FAM13A: variants seen among roughly 807,000 people sequenced by gnomAD.
FAM13A encodes protein FAM13A.
FAM13A carries 76 observed loss-of-function variants against 129.6 expected under a neutral mutation model. That is an observed-to-expected ratio of 0.59 (90% CI 0.49 to 0.71). The LOEUF (loss-of-function observed/expected upper bound fraction) is 0.71, where lower values mean the gene tolerates loss of function less well. Ranked by LOEUF, FAM13A falls within the 30% of genes least tolerant of loss-of-function variation. FAM13A has a pLI of 0.00. For missense variants in FAM13A, 1,108 were observed against 1,249.3 expected, an observed-to-expected ratio of 0.89 and a Z score of 1.70; for synonymous variants, 443 against 449.9, an observed-to-expected ratio of 0.98 and a Z score of 0.20.
At chr4:88,909,350 T>C (rs1035021485) in intron 5 of FAM13A, among the ~76,000 whole-genome samples, 6 of 152,184 alleles carry the variant, frequency 3.9e-5, no homozygotes, top group Non-Finnish European at 2.9e-5. Flanking sequence ...CAAAAGGATA[T>C]ATATTGTGTG....
chr4:88,789,895 G>A (rs1724780487), intron 9 of FAM13A, among the ~76,000 whole-genome samples: 1 of 152,100 alleles, frequency 6.6e-6, no homozygotes. Flanking sequence ...GCCCTCCGTG[G>A]GAACAGTAGG....
intron 5 of FAM13A, among the ~76,000 whole-genome samples, chr4:88,910,607 C>T (rs767692506): frequency 1.4e-4 from 21 of 151,976 alleles, no homozygotes; most frequent in African/African-American, 2.7e-4. Context: ...TTTATGTTTC[C>T]CCATAGCCCT....
intron 7 of FAM13A, among the ~76,000 whole-genome samples, chr4:88,847,170 T>C (rs192747152): frequency 1.1e-3 from 163 of 152,298 alleles, no homozygotes; most frequent in African/African-American, 3.7e-3. Context: ...AGGTTAAACA[T>C]GGATAATGTT....
chr4:88,787,115 G>C (rs961107075), intron 10 of FAM13A, among the ~76,000 whole-genome samples: 8 of 151,836 alleles, frequency 5.3e-5, no homozygotes, highest in Non-Finnish European at 8.8e-5. Flanking sequence ...TAATATAAAT[G>C]GTAATTGTTC....
At chr4:88,875,442 C>A (rs1250286192) in intron 6 of FAM13A, among the ~76,000 whole-genome samples, 1 of 152,130 alleles carries the variant, frequency 6.6e-6, no homozygotes, top group Non-Finnish European at 1.5e-5. Flanking sequence ...AACAAATTTA[C>A]AAGAATAAAT....
At chr4:88,995,501 G>A (rs189267999) in intron 3 of FAM13A, among the ~76,000 whole-genome samples, 7 of 152,252 alleles carry the variant, frequency 4.6e-5, no homozygotes, top group African/African-American at 1.7e-4. Context: ...CTCCCGTTCT[G>A]GATGCTTCCT....
At chr4:88,876,386 T>C (rs1181907254) in intron 6 of FAM13A, among the ~76,000 whole-genome samples, 1 of 151,856 alleles carries the variant, frequency 6.6e-6, no homozygotes, top group Admixed American at 6.6e-5. Context: ...GAGAAGAAGA[T>C]AGTTTGTGAA....
chr4:88,826,248 A>G (rs374868361), intron 7 of FAM13A, among the ~76,000 whole-genome samples: 1 of 150,464 alleles, frequency 6.6e-6, no homozygotes, highest in East Asian at 2.0e-4. Context: ...TCTCTGTTCA[A>G]CTCCAACTGT....
rs1032738710 is a variant in FAM13A at position 88,980,871 on chromosome 4, A to C, written c.605+10102T>G. 7.9e-5 allele frequency among the ~76,000 whole-genome samples: 12 copies of C among 152,340 alleles called. 1 individual carries two copies. The highest frequency in any genetic ancestry group is 2.9e-4 in the African/African-American group (12 of 41,582). On this transcript the variant is annotated intron_variant, in intron 4 of 23. Transcript: ENST00000264344. ...ATTTAGCTGATATCATTTAATATTT[A>C]ATGGTGTAAATATTATACCAGTAAA...
intron 5 of FAM13A, among the ~76,000 whole-genome samples, chr4:88,927,212 T>G (rs576985916): frequency 6.6e-6 from 1 of 151,780 alleles, no homozygotes; most frequent in East Asian, 1.9e-4. Flanking sequence ...TTTTTTTTTT[T>G]GTATAGCTAG....
chr4:88,973,367 A>G (rs774052896), intron 4 of FAM13A, among the ~76,000 whole-genome samples: 38 of 151,824 alleles, frequency 2.5e-4, no homozygotes, highest in Admixed American at 7.2e-4. Context: ...TTCACTTTTC[A>G]GTTTTGGAGG....
Position 88,749,725 on chromosome 4 carries a change from C to T in FAM13A, c.2079+46G>A, listed in dbSNP as rs371746811. 9 of 1,599,450 alleles carry T rather than the reference C, an allele frequency of 5.6e-6. No individual in the cohort carries two copies. The East Asian group carries it at 2.0e-4, about 36-fold the overall frequency. On this transcript the variant is annotated intron_variant, in intron 16 of 23. Coordinates refer to ENST00000264344, the MANE Select transcript of FAM13A (RefSeq NM_014883.4). Reference sequence around the variant, plus strand: ...TTGAGTTGCTGAAATGCTGCCATGTCCAGGGAGAGGATGAGGCGAAAAGAA... The same window carrying T: ...TTGAGTTGCTGAAATGCTGCCATGTTCAGGGAGAGGATGAGGCGAAAAGAA...
intron 7 of FAM13A, among the ~76,000 whole-genome samples, chr4:88,842,022 T>C (rs1429074768): frequency 6.6e-6 from 1 of 152,076 alleles, no homozygotes; most frequent in South Asian, 2.1e-4. Flanking sequence ...AACTAATGAG[T>C]GGATAAGCAA....
At chr4:89,036,693 G>A (rs1769424938) in intron 1 of FAM13A, among the ~76,000 whole-genome samples, 1 of 152,298 alleles carries the variant, frequency 6.6e-6, no homozygotes, top group Non-Finnish European at 1.5e-5. Context: ...CCATCACAGG[G>A]CTGGAGGCCT....
rs144180608 is a variant in FAM13A, at chr4:88,951,360, A to G, written c.606-13119T>C. The stretch of plus-strand genomic sequence containing the variant: ...CTGGCAAAATTAAAAACATTTTTAG[A>G]AACTCAACTTCAGGACAACTTCTCA... On this transcript the variant is annotated intron_variant, in intron 4 of 23. Coordinates refer to ENST00000264344, the MANE Select transcript of FAM13A (RefSeq NM_014883.4). Among the ~76,000 whole-genome samples, 212 of 152,332 alleles carry G rather than the reference A, an allele frequency of 1.4e-3. 4 individuals carry two copies. In the East Asian group the frequency reaches 0.023, roughly 17 times the overall value.
At chr4:88,814,111 G>A (rs1730189124) in intron 7 of FAM13A, among the ~76,000 whole-genome samples, 1 of 152,168 alleles carries the variant, frequency 6.6e-6, no homozygotes, top group African/African-American at 2.4e-5. Flanking sequence ...AATCCTCAAA[G>A]ACATCATGGA....
chr4:88,753,192 G>A (rs1394722720), intron 14 of FAM13A, among the ~76,000 whole-genome samples: 1 of 152,182 alleles, frequency 6.6e-6, no homozygotes, highest in African/African-American at 2.4e-5. Flanking sequence ...TGGTCTCTGT[G>A]TATACAAATT....
intron 6 of FAM13A, among the ~76,000 whole-genome samples, chr4:88,871,009 T>C (rs1438459611): frequency 6.6e-6 from 1 of 152,222 alleles, no homozygotes; most frequent in African/African-American, 2.4e-5. Flanking sequence ...CAAACAGGTC[T>C]GGAGTGGACC....
chr4:88,814,160 C>G (rs1730203400), intron 7 of FAM13A, among the ~76,000 whole-genome samples: 1 of 152,222 alleles, frequency 6.6e-6, no homozygotes, highest in East Asian at 1.9e-4. Context: ...ATAAGAAGAA[C>G]AAGTTTTAGA....
Sources: allele counts gnomAD v4.1 joint callset (sites outside exome capture counted in the v4.1 genomes callset), GRCh38; gene constraint gnomAD v4.1.1; transcripts MANE v1.5; gene names NCBI Gene and HGNC (gene_info 2026-07-23, HGNC 2026-07-21).